PTPRD: variants seen among roughly 807,000 people sequenced by gnomAD.
The protein encoded by PTPRD is protein tyrosine phosphatase receptor type D.
A neutral mutation model predicts 214.5 loss-of-function variants in PTPRD; 34 were observed. The observed-to-expected ratio is 0.16, with a 90% CI of 0.12 to 0.21. PTPRD has a LOEUF of 0.21. PTPRD is among the 10% of genes least tolerant of loss of function. The pLI, the probability that PTPRD is intolerant of heterozygous loss-of-function variation, is 1.00. For missense variants in PTPRD, 2,545 were observed against 2,398.7 expected, an observed-to-expected ratio of 1.06 and a Z score of -1.27; for synonymous variants, 1,128 against 845.7, an observed-to-expected ratio of 1.33 and a Z score of -5.79.
intron 2 of PTPRD, among the ~76,000 whole-genome samples, chr9:10,501,547 C>A (rs1272331281): frequency 6.6e-6 from 1 of 151,880 alleles, no homozygotes; most frequent in African/African-American, 2.4e-5. Flanking sequence ...ATCACTCACA[C>A]CCAGCAGATT....
chr9:8,506,659 T>G (rs2097548273), intron 22 of PTPRD, among the ~76,000 whole-genome samples: 1 of 150,334 alleles, frequency 6.7e-6, no homozygotes, highest in African/African-American at 2.4e-5. Flanking sequence ...ATTACATGCA[T>G]TATTGATGGT....
At chr9:8,407,129 G>A (rs529564419) in intron 35 of PTPRD, among the ~76,000 whole-genome samples, 1 of 152,272 alleles carries the variant, frequency 6.6e-6, no homozygotes, top group East Asian at 1.9e-4. Flanking sequence ...CTTTAAAAAC[G>A]AGTAACAGAA....
At chr9:10,046,056 T>A (rs2097386826) in intron 3 of PTPRD, among the ~76,000 whole-genome samples, 1 of 151,804 alleles carries the variant, frequency 6.6e-6, no homozygotes, top group African/African-American at 2.4e-5. Context: ...AGCTACAAAA[T>A]AATACCTTCC....
At position 8,896,458 on chromosome 9, in the gene PTPRD, A is replaced by G. The variant is rs2098612316; in HGVS notation, c.-104+122239T>C. Among the ~76,000 whole-genome samples the G allele has an allele frequency of 3.3e-5, 5 of 152,212 alleles. No homozygotes were observed. The South Asian group carries it at 1.0e-3, about 31-fold the overall frequency. ...AGCTTAAAATAGCATAAAATAGCAT[A>G]TAGAACACAAAAGTCAACACTGGCT... On this transcript the variant is annotated intron_variant, in intron 11 of 45. Transcript: ENST00000381196.
chr9:9,570,403 A>T (rs1268130951), intron 8 of PTPRD, among the ~76,000 whole-genome samples: 1 of 151,594 alleles, frequency 6.6e-6, no homozygotes, highest in Non-Finnish European at 1.5e-5. Flanking sequence ...CTGTGAAAAT[A>T]AACTAAGCTA....
chr9:10,257,928 T>C (rs959139761), intron 3 of PTPRD, among the ~76,000 whole-genome samples: 5 of 152,028 alleles, frequency 3.3e-5, no homozygotes, highest in African/African-American at 1.2e-4. Flanking sequence ...CAAGCATTCA[T>C]AGAGAGAAGA....
intron 4 of PTPRD, among the ~76,000 whole-genome samples, chr9:9,970,509 G>A (rs897422488): frequency 2.0e-5 from 3 of 151,806 alleles, no homozygotes; most frequent in Non-Finnish European, 2.9e-5. Flanking sequence ...CTGGTTGGGT[G>A]GACAGTCAGA....
intron 12 of PTPRD, among the ~76,000 whole-genome samples, chr9:8,665,362 A>G (rs934081612): frequency 1.3e-5 from 2 of 152,174 alleles, no homozygotes; most frequent in Non-Finnish European, 2.9e-5. Flanking sequence ...CATGATGTCC[A>G]CTTGAAACTG....
chr9:9,429,937 C>T (rs2082429300), intron 8 of PTPRD, among the ~76,000 whole-genome samples: 1 of 152,124 alleles, frequency 6.6e-6, no homozygotes, highest in Admixed American at 6.5e-5. Context: ...AAACCCACAG[C>T]CAGTATTATA....
chr9:8,985,705 T>G (rs2099340135), intron 11 of PTPRD, among the ~76,000 whole-genome samples: 3 of 151,990 alleles, frequency 2.0e-5, no homozygotes, highest in Admixed American at 2.0e-4. Context: ...TTCCTGCTGT[T>G]TCCAGAACCC....
In PTPRD at chr9:9,803,859, G is replaced by A. The variant is rs562408425; in HGVS notation, c.-367-37008C>T. ...GAGTAGTGTAATGAAATATCAGAAA[G>A]ATCCTGACATAGTAGTTTTACAATA... On this transcript the variant is annotated intron_variant, in intron 5 of 45. Transcript: ENST00000381196. 10 of 152,062 alleles carry A rather than the reference G, an allele frequency of 6.6e-5. No individual in the cohort carries two copies. In the South Asian group the frequency reaches 1.7e-3, roughly 25 times the overall value. 9.4% of individuals were successfully genotyped at this position (152,062 alleles called of 1,614,324 possible). A position where few individuals can be genotyped will look rare whatever the true frequency, so the allele number is the denominator to read the frequency against.
At chr9:9,797,127 G>C (rs1251724925) in intron 5 of PTPRD, among the ~76,000 whole-genome samples, 1 of 151,708 alleles carries the variant, frequency 6.6e-6, no homozygotes, top group African/African-American at 2.4e-5. Context: ...TTTTAGAAGA[G>C]AGTGTTACAA....
intron 2 of PTPRD, among the ~76,000 whole-genome samples, chr9:10,431,944 C>A (rs2098683412): frequency 6.6e-6 from 1 of 151,948 alleles, no homozygotes; most frequent in Non-Finnish European, 1.5e-5. Flanking sequence ...GGTATATACC[C>A]AAAGGACTAT....
At chr9:9,601,928 T>C (rs2093802150) in intron 7 of PTPRD, among the ~76,000 whole-genome samples, 1 of 152,080 alleles carries the variant, frequency 6.6e-6, no homozygotes, top group African/African-American at 2.4e-5. Context: ...GACTCTTGGG[T>C]CACCATATAT....
At position 9,360,683 on chromosome 9, in the gene PTPRD, T is replaced by C. The variant is rs1375569007; in HGVS notation, c.-203+36766A>G. On this transcript the variant is annotated intron_variant, in intron 9 of 45. Transcript: ENST00000381196. ...AAAATTAATATGTAAAGGTAAAATG[T>C]TATTTAGCAATTATAAGTTATTTTC... 2.6e-5 allele frequency among the ~76,000 whole-genome samples: 4 copies of C among 151,326 alleles called. No homozygotes were observed. In the South Asian group the frequency reaches 6.2e-4, roughly 24 times the overall value.
intron 44 of PTPRD, among the ~76,000 whole-genome samples, chr9:8,320,758 T>C (rs1826565264): frequency 1.3e-5 from 2 of 152,210 alleles, no homozygotes; most frequent in African/African-American, 4.8e-5. Flanking sequence ...CTCTCTGTTG[T>C]CTTCATTGTT....
intron 11 of PTPRD, among the ~76,000 whole-genome samples, chr9:8,932,900 C>A (rs987890628): frequency 1.3e-5 from 2 of 152,068 alleles, no homozygotes; most frequent in South Asian, 4.1e-4. Context: ...TGCTGGTGTT[C>A]CAGGCACCAC....
chr9:9,149,149 T>C (rs2099873563), intron 10 of PTPRD, among the ~76,000 whole-genome samples: 1 of 152,160 alleles, frequency 6.6e-6, no homozygotes, highest in Non-Finnish European at 1.5e-5. Flanking sequence ...TTGAGCAAGG[T>C]ATAAAATTAT....
At chr9:8,559,958 T>C (rs182057423) in intron 14 of PTPRD, among the ~76,000 whole-genome samples, 73 of 152,302 alleles carry the variant, frequency 4.8e-4, no homozygotes, top group African/African-American at 1.6e-3. Flanking sequence ...AACAAAGTAA[T>C]AGTGTATTGA....
Sources: allele counts gnomAD v4.1 joint callset (sites outside exome capture counted in the v4.1 genomes callset), GRCh38; gene constraint gnomAD v4.1.1; transcripts MANE v1.5; gene names NCBI Gene and HGNC (gene_info 2026-07-23, HGNC 2026-07-21).